The following RYR3 variants were observed in gnomAD, a reference collection of about 807,000 sequenced individuals.
RYR3 encodes ryanodine receptor 3.
A neutral mutation model predicts 584.3 loss-of-function variants in RYR3; 207 were observed. That is an observed-to-expected ratio of 0.35 (90% CI 0.32 to 0.40). RYR3 has a LOEUF of 0.40. Among genes scored for constraint, RYR3 ranks in the 10% least tolerant of loss-of-function variants. RYR3 has a pLI of 1.00. For missense variants in RYR3, 5,616 were observed against 6,089.2 expected, an observed-to-expected ratio of 0.92 and a Z score of 2.59; for synonymous variants, 2,416 against 2,248.5, an observed-to-expected ratio of 1.07 and a Z score of -2.11.
chr15:33,406,728 C>G (rs1046764623), intron 1 of RYR3, among the ~76,000 whole-genome samples: 1 of 151,990 alleles, frequency 6.6e-6, no homozygotes, highest in African/African-American at 2.4e-5. Flanking sequence ...GCTTGTTAGT[C>G]GAAGAGGAAA....
At chr15:33,610,554 A>G (rs2060130502) in intron 18 of RYR3, among the ~76,000 whole-genome samples, 1 of 152,296 alleles carries the variant, frequency 6.6e-6, no homozygotes, top group East Asian at 1.9e-4. Context: ...TCAATTACCC[A>G]AATTAATTAG....
At chr15:33,344,289 A>T (rs1011343369) in intron 1 of RYR3, among the ~76,000 whole-genome samples, 1 of 152,210 alleles carries the variant, frequency 6.6e-6, no homozygotes, top group Non-Finnish European at 1.5e-5. Context: ...GGTTGAACAA[A>T]TGTGTTTTGC....
chr15:33,599,375 C>T (rs2059551496), intron 16 of RYR3, among the ~76,000 whole-genome samples: 1 of 152,110 alleles, frequency 6.6e-6, no homozygotes, highest in African/African-American at 2.4e-5. Flanking sequence ...CCTGACGACA[C>T]GTGCCTAAGG....
intron 3 of RYR3, among the ~76,000 whole-genome samples, chr15:33,511,945 AT>A (rs2053062692): frequency 1.3e-5 from 2 of 151,642 alleles, no homozygotes; most frequent in African/African-American, 4.8e-5. Flanking sequence ...CGCCCGGCTA[AT>A]TTTTTGTATT....
rs1307149784 is a variant in RYR3 at position 33,813,282 on chromosome 15, A to C, written c.10390-185A>C. ...TATTAGGGAATAAATGACTAAAAGC[A>C]ACTGGGAGAAAGAGGAAAACCTAAG... On this transcript the variant is annotated intron_variant, in intron 73 of 103. Transcript: ENST00000634891. Among the ~76,000 whole-genome samples the C allele has an allele frequency of 2.0e-5, 3 of 152,244 alleles. No homozygotes were observed. The East Asian group carries it at 5.8e-4, about 29-fold the overall frequency.
chr15:33,853,054 T>C lies in RYR3; in HGVS notation c.13638T>C (p.Pro4546=), dbSNP rs754506512. 7.3e-5 allele frequency: 117 copies of C among 1,607,162 alleles called. No homozygotes were observed. Among genetic ancestry groups the C allele is most frequent in the Non-Finnish European group, 9.2e-5 (108 of 1,177,202 alleles). ...TCGTTTTGTTTTTCAGATCTTTTCC[T>C]AATAACTACTGGGACAAGTTTGTAA... ...DRLVINTPSF[P]NNYWDKFVKR... Residue 4546 remains proline (P), a synonymous_variant, in exon 95 of 104, where the codon CCT becomes CCC. Coordinates refer to ENST00000634891, the MANE Select transcript of RYR3 (RefSeq NM_001036.6).
intron 7 of RYR3, among the ~76,000 whole-genome samples, chr15:33,543,078 T>C (rs998595626): frequency 7.2e-5 from 11 of 152,174 alleles, no homozygotes; most frequent in African/African-American, 2.7e-4. Flanking sequence ...AGTTCTGCTT[T>C]CCCTTTGTGC....
At position 33,838,598 on chromosome 15, in the gene RYR3, C is replaced by T. The variant is rs367854096; in HGVS notation, c.12618C>T (p.Ile4206=). ...TGCTCTTCACCATCCTGGGAGGAAT[C>T]TTTCAGATCCTCTGGAGCACAGTGT... ...FQLLFTILGG[I]FQILWSTVFG... is the part of the protein sequence containing the mutation. The change falls in exon 89 of 104, where the codon ATC becomes ATT. Residue 4206 remains isoleucine (I), a synonymous_variant. Coordinates refer to ENST00000634891, the MANE Select transcript of RYR3 (RefSeq NM_001036.6). 6.2e-7 allele frequency: 1 copy of T among 1,613,928 alleles called. No individual in the cohort carries two copies. The highest frequency in any genetic ancestry group is 1.1e-5 in the South Asian group (1 of 91,058).
At chr15:33,449,552 G>C (rs1187499823) in intron 1 of RYR3, among the ~76,000 whole-genome samples, 3 of 152,024 alleles carry the variant, frequency 2.0e-5, no homozygotes, top group Non-Finnish European at 2.9e-5. Context: ...GTGAATGGGG[G>C]GCAGAATATT....
At chr15:33,714,281 G>C (rs2067328666) in intron 43 of RYR3, among the ~76,000 whole-genome samples, 1 of 152,008 alleles carries the variant, frequency 6.6e-6, no homozygotes, top group Admixed American at 6.6e-5. Context: ...CATATCAAAA[G>C]CTTTTAATAT....
At chr15:33,381,974 T>C (rs1395424400) in intron 1 of RYR3, among the ~76,000 whole-genome samples, 2 of 152,158 alleles carry the variant, frequency 1.3e-5, no homozygotes, top group Non-Finnish European at 2.9e-5. Flanking sequence ...CCAGAGCCCA[T>C]ATAGCATAGT....
intron 3 of RYR3, among the ~76,000 whole-genome samples, chr15:33,512,166 G>T (rs889139926): frequency 6.6e-6 from 1 of 152,202 alleles, no homozygotes; most frequent in African/African-American, 2.4e-5. Context: ...GATGACACAA[G>T]TGTGTAGCTT....
intron 2 of RYR3, among the ~76,000 whole-genome samples, chr15:33,484,619 T>C (rs1046206681): frequency 7.9e-6 from 1 of 126,250 alleles, no homozygotes. Context: ...TTACATTGAA[T>C]TCAGGTATGG....
At chr15:33,403,289 C>T (rs534923096) in intron 1 of RYR3, among the ~76,000 whole-genome samples, 1 of 152,232 alleles carries the variant, frequency 6.6e-6, no homozygotes, top group South Asian at 2.1e-4. Flanking sequence ...AAACTCTGGG[C>T]CAATACCTTT....
chr15:33,481,730 C>G (rs2049985650), intron 2 of RYR3, among the ~76,000 whole-genome samples: 1 of 151,822 alleles, frequency 6.6e-6, no homozygotes, highest in South Asian at 2.1e-4. Flanking sequence ...GACCCACCCG[C>G]CTCAGTCTCC....
chr15:33,443,383 G>A (rs1317227105), intron 1 of RYR3, among the ~76,000 whole-genome samples: 1 of 152,036 alleles, frequency 6.6e-6, no homozygotes, highest in South Asian at 2.1e-4. Flanking sequence ...TGTTAAGATA[G>A]GCTACCAGCA....
chr15:33,347,198 C>T (rs1378160410), intron 1 of RYR3, among the ~76,000 whole-genome samples: 1 of 152,132 alleles, frequency 6.6e-6, no homozygotes, highest in South Asian at 2.1e-4. Context: ...AGGGAAGTCA[C>T]CATGCACAGC....
intron 1 of RYR3, among the ~76,000 whole-genome samples, chr15:33,449,586 G>A (rs111465080): frequency 2.0e-5 from 3 of 152,244 alleles, no homozygotes; most frequent in African/African-American, 7.2e-5. Context: ...AAATACATTT[G>A]TTTTATTAGT....
chr15:33,852,072 CAG>C (rs1479464066), intron 94 of RYR3: 2 of 17,866 alleles, frequency 1.1e-4, no homozygotes, highest in African/African-American at 2.8e-4. Context: ...CATGAGAGGT[CAG>C]TGAATAGTAG....
Sources: allele counts gnomAD v4.1 joint callset (sites outside exome capture counted in the v4.1 genomes callset), GRCh38; gene constraint gnomAD v4.1.1; transcripts MANE v1.5; gene names NCBI Gene and HGNC (gene_info 2026-07-23, HGNC 2026-07-21).